The following NTM variants were observed in gnomAD, a reference collection of about 807,000 sequenced individuals.
NTM encodes neurotrimin, also known as IgLON family member 2.
NTM carries 13 observed loss-of-function variants against 42.1 expected under a neutral mutation model. The observed-to-expected ratio is 0.31, with a 90% confidence interval of 0.20 to 0.49. The LOEUF (loss-of-function observed/expected upper bound fraction) is 0.49. NTM is among the 20% of genes least tolerant of loss of function. NTM has a pLI of 0.99. For synonymous variants in NTM, 187 were observed against 179.2 expected (o/e 1.04, Z -0.35); for missense variants, 373 against 452.8 (o/e 0.82, Z 1.60).
At chr11:131,569,009 T>C (rs2057176867) in intron 1 of NTM, among the ~76,000 whole-genome samples, 1 of 152,200 alleles carries the variant, frequency 6.6e-6, no homozygotes, top group Non-Finnish European at 1.5e-5. Flanking sequence ...ATTACTGCAA[T>C]CAACTTTAGA....
intron 1 of NTM, among the ~76,000 whole-genome samples, chr11:131,812,834 T>A (rs1045831898): frequency 1.2e-4 from 19 of 152,002 alleles, no homozygotes; most frequent in Non-Finnish European, 2.4e-4. Context: ...AAGAAAGCAT[T>A]TAGCAAATTC....
chr11:131,381,828 C>T (rs369454812), intron 1 of NTM, among the ~76,000 whole-genome samples: 1 of 152,104 alleles, frequency 6.6e-6, no homozygotes, highest in African/African-American at 2.4e-5. Flanking sequence ...AAAGCAGATG[C>T]CCAGGTCTGA....
At chr11:132,241,178 C>A (rs1193375291) in intron 4 of NTM, among the ~76,000 whole-genome samples, 1 of 152,152 alleles carries the variant, frequency 6.6e-6, no homozygotes, top group African/African-American at 2.4e-5. Context: ...AATCCAAAAT[C>A]TGAAACACTT....
At chr11:131,716,745 G>A (rs948532687) in intron 1 of NTM, among the ~76,000 whole-genome samples, 2 of 151,934 alleles carry the variant, frequency 1.3e-5, no homozygotes, top group Non-Finnish European at 2.9e-5. Context: ...AGTTATCTTT[G>A]TCAGTATGGA....
At chr11:131,714,319 G>A (rs1037563756) in intron 1 of NTM, among the ~76,000 whole-genome samples, 9 of 152,058 alleles carry the variant, frequency 5.9e-5, no homozygotes, top group African/African-American at 1.9e-4. Flanking sequence ...CTCCCAAGTA[G>A]CTGGGACTTC....
At chr11:131,885,803 T>C (rs1468297568) in intron 1 of NTM, among the ~76,000 whole-genome samples, 2 of 152,194 alleles carry the variant, frequency 1.3e-5, no homozygotes, top group African/African-American at 4.8e-5. Flanking sequence ...AGGTTCCTTA[T>C]CTCCAGTGCA....
intron 1 of NTM, among the ~76,000 whole-genome samples, chr11:131,497,457 G>A (rs1955469814): frequency 6.6e-6 from 1 of 152,120 alleles, no homozygotes; most frequent in Non-Finnish European, 1.5e-5. Flanking sequence ...AAAGTGCTGG[G>A]ATTACAGACT....
At chr11:131,579,925 A>G (rs1373054274) in intron 1 of NTM, among the ~76,000 whole-genome samples, 3 of 152,196 alleles carry the variant, frequency 2.0e-5, no homozygotes, top group African/African-American at 7.2e-5. Flanking sequence ...CATCAATGCC[A>G]TATTTAGAAT....
At chr11:132,222,161 C>A (rs2085299539) in intron 4 of NTM, among the ~76,000 whole-genome samples, 1 of 152,182 alleles carries the variant, frequency 6.6e-6, no homozygotes, top group African/African-American at 2.4e-5. Flanking sequence ...ATGAGCACCT[C>A]AGTGGCAAAG....
chr11:131,598,813 TC>T (rs71067319), intron 1 of NTM, among the ~76,000 whole-genome samples: 4,173 of 53,270 alleles, frequency 0.078, 1,238 homozygotes, highest in African/African-American at 0.21. Flanking sequence ...CTTTCTTTCT[TC>T]TTTCTTTCTT....
chr11:131,546,355 C>T (rs1231284269), intron 1 of NTM, among the ~76,000 whole-genome samples: 1 of 152,188 alleles, frequency 6.6e-6, no homozygotes, highest in African/African-American at 2.4e-5. Flanking sequence ...ACAAGGTTCC[C>T]ACGGCCCCGT....
intron 4 of NTM, among the ~76,000 whole-genome samples, chr11:132,276,740 C>A (rs576155322): frequency 6.6e-6 from 1 of 151,774 alleles, no homozygotes; most frequent in East Asian, 1.9e-4. Flanking sequence ...TCTGTGTGAC[C>A]CTTCTTGGGA....
chr11:131,477,843 G>T (rs1313319316), intron 1 of NTM, among the ~76,000 whole-genome samples: 4 of 150,666 alleles, frequency 2.7e-5, no homozygotes, highest in Non-Finnish European at 5.9e-5. Context: ...TAGCCTGTGG[G>T]TCATACTAGA....
intron 2 of NTM, among the ~76,000 whole-genome samples, chr11:132,025,239 C>T (rs1208084547): frequency 3.3e-5 from 5 of 152,136 alleles, no homozygotes; most frequent in East Asian, 1.9e-4. Context: ...GTTGGGCTCA[C>T]GGTAAGGGAA....
At chr11:132,082,869 T>C (rs1027857908) in intron 2 of NTM, among the ~76,000 whole-genome samples, 2 of 152,094 alleles carry the variant, frequency 1.3e-5, no homozygotes, top group Admixed American at 1.3e-4. Context: ...TTAGAAGACA[T>C]GTACCAAAAT....
chr11:131,665,090 C>T (rs764112711), intron 1 of NTM, among the ~76,000 whole-genome samples: 5 of 152,268 alleles, frequency 3.3e-5, no homozygotes, highest in East Asian at 1.9e-4. Context: ...GGCATTCACG[C>T]GTCCCCTCCT....
intron 1 of NTM, among the ~76,000 whole-genome samples, chr11:131,820,369 T>C (rs776337272): frequency 1.3e-5 from 2 of 152,200 alleles, no homozygotes; most frequent in African/African-American, 4.8e-5. Context: ...CTTAACTCCC[T>C]GTGGATTGGA....
chr11:131,380,453 C>T (rs935780419), intron 1 of NTM, among the ~76,000 whole-genome samples: 4 of 152,044 alleles, frequency 2.6e-5, no homozygotes, highest in Admixed American at 6.6e-5. Context: ...TCAGGTGATC[C>T]GCCCGCCTCA....
chr11:131,506,827 C>T (rs2047548935), intron 1 of NTM, among the ~76,000 whole-genome samples: 1 of 152,208 alleles, frequency 6.6e-6, no homozygotes, highest in Non-Finnish European at 1.5e-5. Context: ...CTACCAAAAG[C>T]AGGTACCTCT....
Sources: allele counts gnomAD v4.1 joint callset (sites outside exome capture counted in the v4.1 genomes callset), GRCh38; gene constraint gnomAD v4.1.1; transcripts MANE v1.5; gene names NCBI Gene and HGNC (gene_info 2026-07-23, HGNC 2026-07-21).